ZMYM4: variants seen among roughly 807,000 people sequenced by gnomAD.
ZMYM4 encodes zinc finger MYM-type containing 4.
In ZMYM4, 31 loss-of-function variants were observed where a neutral mutation model predicts 183.2. That is an observed-to-expected ratio of 0.17 (90% confidence interval 0.13 to 0.23). The LOEUF is 0.23. Among genes scored for constraint, ZMYM4 ranks in the 10% least tolerant of loss-of-function variants. ZMYM4 has a pLI of 1.00. For missense variants in ZMYM4, 1,273 were observed against 1,840.3 expected, an observed-to-expected ratio of 0.69 and a Z score of 5.64; for synonymous variants, 592 against 631.2, an observed-to-expected ratio of 0.94 and a Z score of 0.93.
chr1:35,387,263 A>C lies in ZMYM4; in HGVS notation c.2097A>C (p.Glu699Asp), dbSNP rs767300803. The C allele has an allele frequency of 2.5e-6, 4 of 1,613,938 alleles. No homozygotes were observed. Among genetic ancestry groups the C allele is most frequent in the Non-Finnish European group, 3.4e-6 (4 of 1,179,868 alleles). Residue 699 changes from glutamate (E) to aspartate (D), a missense_variant, in exon 12 of 30, where the codon GAA becomes GAC. Transcript: ENST00000314607. ...ACCGTCTTTTTGCCACAAAACCAGAACTTCTTGACTATAAGGTAAAGTATA... is the reference window on the plus strand; with the variant it reads ...ACCGTCTTTTTGCCACAAAACCAGACCTTCTTGACTATAAGGTAAAGTATA... ...HCNRLFATKPELLDYKGKMFQ... is the reference protein window; with the variant it reads ...HCNRLFATKPDLLDYKGKMFQ...
At chr1:35,370,885 T>G (rs1214088335) in intron 7 of ZMYM4, 4 of 342,988 alleles carry the variant, frequency 1.2e-5, no homozygotes, top group Non-Finnish European at 2.0e-5. Context: ...TCTCCCATCC[T>G]TGTTAGTTGA....
At chr1:35,362,907 C>G (rs576058953) in intron 5 of ZMYM4, among the ~76,000 whole-genome samples, 1 of 152,162 alleles carries the variant, frequency 6.6e-6, no homozygotes, top group Non-Finnish European at 1.5e-5. Flanking sequence ...CGTGATGGCT[C>G]ACGCCTGTCA....
intron 5 of ZMYM4, among the ~76,000 whole-genome samples, chr1:35,364,873 G>T (rs531631300): frequency 6.6e-6 from 1 of 152,226 alleles, no homozygotes; most frequent in Non-Finnish European, 1.5e-5. Flanking sequence ...GTGCTGAAAT[G>T]TGTGTGTATG....
At chr1:35,269,360 C>T (rs1292977771) in intron 1 of ZMYM4, among the ~76,000 whole-genome samples, 3 of 151,352 alleles carry the variant, frequency 2.0e-5, no homozygotes, top group Non-Finnish European at 2.9e-5. Context: ...TATCTAGGCC[C>T]AGGGAGGGGA....
chr1:35,307,760 T>A (rs1641605790), intron 1 of ZMYM4, among the ~76,000 whole-genome samples: 1 of 151,946 alleles, frequency 6.6e-6, no homozygotes, highest in South Asian at 2.1e-4. Flanking sequence ...GGTCTCGATC[T>A]CCTGACCTTG....
At chr1:35,313,834 TA>T (rs1294515195) in intron 1 of ZMYM4, among the ~76,000 whole-genome samples, 1 of 152,158 alleles carries the variant, frequency 6.6e-6, no homozygotes, top group Non-Finnish European at 1.5e-5. Context: ...AAGGTGTATA[TA>T]ATATGATCTA....
At chr1:35,395,512 T>C (rs1352865901) in intron 18 of ZMYM4, among the ~76,000 whole-genome samples, 4 of 152,168 alleles carry the variant, frequency 2.6e-5, no homozygotes, top group African/African-American at 9.7e-5. Flanking sequence ...CTGTCCCTAG[T>C]ATTACCTTTC....
At chr1:35,379,861 A>G (rs1362945965) in intron 7 of ZMYM4, among the ~76,000 whole-genome samples, 1 of 152,200 alleles carries the variant, frequency 6.6e-6, no homozygotes, top group African/African-American at 2.4e-5. Context: ...CAGAACACAC[A>G]CAATTTTCAA....
chr1:35,398,506 A>G (rs903292918), intron 21 of ZMYM4, 40 bp downstream of exon 21: 8 of 1,545,740 alleles, frequency 5.2e-6, no homozygotes, highest in Non-Finnish European at 7.1e-6. Flanking sequence ...TAGAAATACT[A>G]CCCTCTGTTA....
At chr1:35,361,130 C>T in intron 3 of ZMYM4, 64 bp from the exon 4 acceptor site, 1 of 1,387,836 alleles carries the variant, frequency 7.2e-7, no homozygotes, top group Non-Finnish European at 9.8e-7. Flanking sequence ...CTTTTTAGGT[C>T]ACTCTTTGTA....
intron 1 of ZMYM4, among the ~76,000 whole-genome samples, chr1:35,312,916 C>T (rs553040579): frequency 9.2e-5 from 14 of 152,202 alleles, no homozygotes; most frequent in East Asian, 1.9e-4. Context: ...TTTTTGGAGA[C>T]GGAGTCTCGC....
At chr1:35,397,277 A>G in intron 19 of ZMYM4, 100 bp from the exon 20 acceptor site, 1 of 1,304,350 alleles carries the variant, frequency 7.7e-7, no homozygotes, top group Non-Finnish European at 1.0e-6. Context: ...TATACCTTAA[A>G]TTTGTTTACT....
At chr1:35,308,962 A>G (rs955467697) in intron 1 of ZMYM4, 2 of 985,098 alleles carry the variant, frequency 2.0e-6, no homozygotes, top group Admixed American at 1.2e-4. Flanking sequence ...TTGAAAGATT[A>G]GAGCAGACAG....
intron 1 of ZMYM4, among the ~76,000 whole-genome samples, chr1:35,306,920 GTGTAA>G (rs1641558551): frequency 2.0e-5 from 3 of 152,116 alleles, no homozygotes; most frequent in Admixed American, 2.0e-4. Flanking sequence ...GTAATTGTTT[GTGTAA>G]TATCTACATT....
chr1:35,296,289 C>G (rs999731063), intron 1 of ZMYM4, among the ~76,000 whole-genome samples: 1 of 152,124 alleles, frequency 6.6e-6, no homozygotes, highest in African/African-American at 2.4e-5. Context: ...AATCTACTGT[C>G]TCAGTCTTAT....
At position 35,396,482 on chromosome 1, in the gene ZMYM4, T is replaced by C. The variant is rs565428143; in HGVS notation, c.2912-70T>C. Reference sequence around the variant, plus strand: ...AACTATAAACCTCCATAAGCTTTTTTATTTTGAAATCTTATGAAAGCATTT... The same window carrying C: ...AACTATAAACCTCCATAAGCTTTTTCATTTTGAAATCTTATGAAAGCATTT... On this transcript the variant is annotated intron_variant, in intron 18 of 29. Transcript: ENST00000314607. The C allele has an allele frequency of 7.4e-4, 1,173 of 1,583,842 alleles. 2 individuals are homozygous for C. Among genetic ancestry groups the C allele is most frequent in the South Asian group, 3.1e-3 (262 of 85,660 alleles).
At chr1:35,290,031 G>T (rs1199215831) in intron 1 of ZMYM4, among the ~76,000 whole-genome samples, 2 of 151,184 alleles carry the variant, frequency 1.3e-5, no homozygotes, top group South Asian at 4.2e-4. Context: ...GCGGTGGTGC[G>T]ATCTCAACTC....
chr1:35,359,108 A>T lies in ZMYM4; in HGVS notation c.269A>T (p.Glu90Val), dbSNP rs891216341. ...AGIPVVGSDN[E>V]DEQDFSSKDN... is the part of the protein sequence containing the mutation. ...ATTCCAGTCGTTGGTAGTGACAATG[A>T]GGATGAACAGGATTTTAGTTCAAAG... Residue 90 changes from glutamate to valine, a missense_variant, in exon 3 of 30, where the codon GAG becomes GTG. Coordinates refer to ENST00000314607, the MANE Select transcript of ZMYM4 (RefSeq NM_005095.3). 6.2e-7 allele frequency: 1 copy of T among 1,613,708 alleles called. No individual in the cohort carries two copies. Among genetic ancestry groups the T allele is most frequent in the Non-Finnish European group, 8.5e-7 (1 of 1,179,762 alleles).
chr1:35,319,591 C>A (rs1642199650), intron 1 of ZMYM4, among the ~76,000 whole-genome samples: 1 of 152,050 alleles, frequency 6.6e-6, no homozygotes. Flanking sequence ...TTACTGCATT[C>A]CAGCCTGGGC....
Sources: gnomAD v4.1 joint callset for allele counts (sites outside exome capture counted in the v4.1 genomes callset) on GRCh38, gnomAD v4.1.1 for gene constraint, MANE v1.5 for transcripts, NCBI Gene and HGNC (gene_info 2026-07-23, HGNC 2026-07-21) for gene names.